The following LGALS3 variants were observed in gnomAD, a reference collection of about 807,000 sequenced individuals.
The protein encoded by LGALS3 is galectin-3.
A neutral mutation model predicts 20.7 loss-of-function variants in LGALS3; 18 were observed. The ratio of observed to expected loss-of-function variants is 0.87; its 90% CI spans 0.60 to 1.29. The LOEUF (loss-of-function observed/expected upper bound fraction) is 1.29, where lower values mean the gene tolerates loss of function less well. Ranked by LOEUF, LGALS3 falls within the 50% of genes most tolerant of loss-of-function variation. LGALS3 has a pLI of 0.00. For missense variants in LGALS3, 315 were observed against 314.7 expected (o/e 1.00, Z -0.01); for synonymous variants, 112 against 119.6 (o/e 0.94, Z 0.42).
chr14:55,142,726 T>C lies in LGALS3; in HGVS notation c.574T>C (p.Phe192Leu), dbSNP rs1206786025. 4.3e-6 allele frequency: 7 copies of C among 1,613,298 alleles called. No individual in the cohort carries two copies. Among genetic ancestry groups the C allele is most frequent in the East Asian group, 4.5e-5 (2 of 44,880 alleles). The change falls in exon 5 of 6, where the codon TTT becomes CTT. Residue 192 changes from phenylalanine (F) to leucine (L), a missense_variant. Transcript: ENST00000254301. ...GGAAGAAAGACAGTCGGTTTTCCCATTTGAAAGTGGGAAACCATTCAAAGT... is the reference window on the plus strand; with the variant it reads ...GGAAGAAAGACAGTCGGTTTTCCCACTTGAAAGTGGGAAACCATTCAAAGT... The part of the protein sequence containing the change: ...GREERQSVFP[F>L]ESGKPFKIQV...
intron 4 of LGALS3, 83 bp downstream of exon 4, chr14:55,140,446 CCTGT>C (rs1173228526): frequency 1.7e-5 from 14 of 832,298 alleles, no homozygotes; most frequent in South Asian, 3.2e-5. Flanking sequence ...TTCTTCTTGC[CCTGT>C]CTTACAGTGC....
Position 55,142,515 on chromosome 14 carries a change from A to G in LGALS3, c.432-69A>G, listed in dbSNP as rs928278158. ...GAAATTATTTGCTTTTTAGAAAATTACATGTTCTTTACACAGTGCAAATGT... is the reference window on the plus strand; with the variant it reads ...GAAATTATTTGCTTTTTAGAAAATTGCATGTTCTTTACACAGTGCAAATGT... On this transcript the variant is annotated intron_variant, in intron 4 of 5. Transcript: ENST00000254301. 4 of 1,307,742 alleles carry G rather than the reference A, an allele frequency of 3.1e-6. No homozygotes were observed. In the African/African-American group the frequency reaches 4.5e-5, roughly 15 times the overall value. 81.0% of individuals were successfully genotyped at this position (1,307,742 alleles called of 1,614,324 possible). A position where few individuals can be genotyped will look rare whatever the true frequency, so the allele number is the denominator to read the frequency against.
chr14:55,130,866 G>A (rs1020894784), intron 1 of LGALS3, among the ~76,000 whole-genome samples: 5 of 151,980 alleles, frequency 3.3e-5, no homozygotes, highest in African/African-American at 7.3e-5. Flanking sequence ...GGGCCACTGC[G>A]CCTGGCCTAC....
Position 55,144,862 on chromosome 14 carries a change from C to T in LGALS3, c.598-254C>T, listed in dbSNP as rs1413746776. 3.9e-5 allele frequency among the ~76,000 whole-genome samples: 6 copies of T among 152,360 alleles called. No homozygotes were observed. The East Asian group carries it at 1.2e-3, about 29-fold the overall frequency. ...TACAGGCGTGAGCCACCCCGCCCAG[C>T]ATAACTTGGCATTTTTGCTGTAAAG... On this transcript the variant is annotated intron_variant, in intron 5 of 5. Transcript: ENST00000254301.
intron 5 of LGALS3, among the ~76,000 whole-genome samples, chr14:55,144,050 C>T (rs1594655842): frequency 6.6e-6 from 1 of 152,242 alleles, no homozygotes; most frequent in African/African-American, 2.4e-5. Context: ...TTTCTCCTAC[C>T]CTTGCCAAAA....
rs550573161 is a variant in LGALS3 at position 55,130,793 on chromosome 14, C to T, written c.-5+1493C>T. On this transcript the variant is annotated intron_variant, in intron 1 of 5. Transcript: ENST00000254301. ...CCCTCCATGTTGGTCAGGCTGGTCT[C>T]GAACCCCCGACCTCAGGTGACCCGC... Among the ~76,000 whole-genome samples, 6 of 149,112 alleles carry T rather than the reference C, an allele frequency of 4.0e-5. No homozygotes were observed. In the East Asian group the frequency reaches 7.9e-4, roughly 20 times the overall value.
At chr14:55,134,039 C>T (rs1395585602) in intron 1 of LGALS3, among the ~76,000 whole-genome samples, 1 of 152,152 alleles carries the variant, frequency 6.6e-6, no homozygotes, top group African/African-American at 2.4e-5. Flanking sequence ...ATTTTGCTCC[C>T]AGGGGATATT....
chr14:55,137,109 G>A (rs201060113), intron 1 of LGALS3: 1 of 563,870 alleles, frequency 1.8e-6, no homozygotes, highest in East Asian at 3.0e-5. Context: ...GGCAGTTAGT[G>A]GGGACAGAGG....
chr14:55,143,997 CAA>C (rs760011744), intron 5 of LGALS3, among the ~76,000 whole-genome samples: 3 of 152,014 alleles, frequency 2.0e-5, no homozygotes, highest in Non-Finnish European at 2.9e-5. Flanking sequence ...TTGCTGCTTC[CAA>C]AAAGATATAG....
chr14:55,134,990 A>G (rs1421560403), intron 1 of LGALS3, among the ~76,000 whole-genome samples: 1 of 123,968 alleles, frequency 8.1e-6, no homozygotes, highest in African/African-American at 4.4e-5. Context: ...CCCCGTGTCT[A>G]AAAAAAAAAA....
At chr14:55,137,705 G>A in intron 2 of LGALS3, 1 of 1,364,036 alleles carries the variant, frequency 7.3e-7, no homozygotes. Flanking sequence ...GTACAGTCTG[G>A]GCATTCTGAT....
intron 2 of LGALS3, 27 bp from the exon 3 acceptor site, chr14:55,138,018 C>T (rs547265495): frequency 2.2e-5 from 33 of 1,480,784 alleles, no homozygotes; most frequent in African/African-American, 2.1e-4. Flanking sequence ...CTTTCTGTCC[C>T]GTAATTGTGT....
rs775764321 is a variant in LGALS3, at chr14:55,138,209, C to A, written c.183C>A (p.Gly61=). Residue 61 remains glycine, a synonymous_variant, in exon 3 of 6, where the codon GGC becomes GGA. Transcript: ENST00000254301. ...PGAYPGQAPP[G]AYPGAPGAYP... is the part of the protein sequence containing the mutation. ...CTTATCCTGGACAGGCACCTCCAGG[C>A]GCCTACCCTGGAGCACCTGGAGCTT... The A allele has an allele frequency of 3.1e-6, 5 of 1,612,878 alleles. No individual in the cohort carries two copies. The highest frequency in any genetic ancestry group is 1.3e-5 in the African/African-American group (1 of 75,014).
At chr14:55,138,465 C>G in intron 3 of LGALS3, 97 bp downstream of exon 3, 1 of 1,286,172 alleles carries the variant, frequency 7.8e-7, no homozygotes, top group South Asian at 1.2e-5. Context: ...TTCTCAAGGG[C>G]CAGCCATGGG....
chr14:55,130,797 C>T (rs1380863395), intron 1 of LGALS3, among the ~76,000 whole-genome samples: 4 of 151,196 alleles, frequency 2.6e-5, no homozygotes, highest in African/African-American at 9.8e-5. Context: ...TGGTCTCGAA[C>T]CCCCGACCTC....
intron 5 of LGALS3, among the ~76,000 whole-genome samples, chr14:55,144,324 C>G (rs1002073653): frequency 6.6e-6 from 1 of 152,052 alleles, no homozygotes; most frequent in Non-Finnish European, 1.5e-5. Context: ...TTGTATTTTT[C>G]TTGTAGAGAT....
In LGALS3 at chr14:55,145,207, A is replaced by C; in HGVS notation, c.689A>C (p.Glu230Ala). 6.2e-7 allele frequency: 1 copy of C among 1,614,052 alleles called. No homozygotes were observed. Among genetic ancestry groups the C allele is most frequent in the South Asian group, 1.1e-5 (1 of 91,082 alleles). Residue 230 changes from glutamate to alanine, a missense_variant, in exon 6 of 6, where the codon GAA becomes GCA. Physicochemically the swap from Glu to Ala is moderately radical, Grantham distance 107 (BLOSUM62 -1). Transcript: ENST00000254301. The part of the protein sequence containing the change: ...QYNHRVKKLN[E>A]ISKLGISGDI... The stretch of plus-strand genomic sequence containing the variant: ...AATCATCGGGTTAAAAAACTCAATG[A>C]AATCAGCAAACTGGGAATTTCTGGT...
chr14:55,137,666 G>A (rs1414316084), intron 2 of LGALS3: 35 of 1,414,800 alleles, frequency 2.5e-5, no homozygotes, highest in Non-Finnish European at 1.8e-6. Flanking sequence ...GGCAGGAGCT[G>A]AGAAATCCTC....
At chr14:55,134,838 G>A (rs1438897464) in intron 1 of LGALS3, among the ~76,000 whole-genome samples, 3 of 152,160 alleles carry the variant, frequency 2.0e-5, no homozygotes, top group Non-Finnish European at 4.4e-5. Context: ...CTTCTGAATA[G>A]GTTTCAGAAT....
Sources: gnomAD v4.1 joint callset for allele counts (sites outside exome capture counted in the v4.1 genomes callset) on GRCh38, gnomAD v4.1.1 for gene constraint, MANE v1.5 for transcripts, NCBI Gene and HGNC (gene_info 2026-07-23, HGNC 2026-07-21) for gene names.